CDH12: variants seen among roughly 807,000 people sequenced by gnomAD.
The protein encoded by CDH12 is cadherin-12.
In CDH12, 41 loss-of-function variants were observed where a neutral mutation model predicts 74.1. That is an observed-to-expected ratio of 0.55 (90% CI 0.43 to 0.72). The LOEUF (loss-of-function observed/expected upper bound fraction) is 0.72. Ranked by LOEUF, CDH12 falls within the 30% of genes least tolerant of loss-of-function variation. The pLI, the probability that CDH12 is intolerant of heterozygous loss-of-function variation, is 0.00. For synonymous variants in CDH12, 399 were observed against 355.0 expected (o/e 1.12, Z -1.39); for missense variants, 945 against 977.2 (o/e 0.97, Z 0.44).
chr5:22,467,553 C>T (rs553271940), intron 2 of CDH12, among the ~76,000 whole-genome samples: 1 of 152,282 alleles, frequency 6.6e-6, no homozygotes, highest in African/African-American at 2.4e-5. Context: ...CCATCTCTTG[C>T]ACTCGAATAT....
intron 4 of CDH12, among the ~76,000 whole-genome samples, chr5:22,094,770 C>T (rs906133202): frequency 9.9e-5 from 15 of 152,096 alleles, no homozygotes; most frequent in African/African-American, 9.7e-5. Context: ...TCCAGATGGC[C>T]GGTTCCTGCC....
At chr5:22,304,225 A>G (rs530028613) in intron 3 of CDH12, among the ~76,000 whole-genome samples, 2 of 152,088 alleles carry the variant, frequency 1.3e-5, no homozygotes, top group Non-Finnish European at 2.9e-5. Flanking sequence ...TTGTGTAGAA[A>G]CCAAGGCATA....
chr5:22,137,860 T>C (rs1169958327), intron 4 of CDH12, among the ~76,000 whole-genome samples: 2 of 152,118 alleles, frequency 1.3e-5, no homozygotes, highest in African/African-American at 4.8e-5. Flanking sequence ...CACCTGCAAT[T>C]TCTCTGGATA....
chr5:22,194,164 C>T (rs543106513), intron 4 of CDH12, among the ~76,000 whole-genome samples: 13 of 152,072 alleles, frequency 8.5e-5, no homozygotes, highest in African/African-American at 3.1e-4. Flanking sequence ...AAGCTGGCCC[C>T]TAGCCAATGG....
chr5:22,316,089 T>C (rs535670684), intron 3 of CDH12, among the ~76,000 whole-genome samples: 59 of 152,190 alleles, frequency 3.9e-4, no homozygotes, highest in African/African-American at 1.4e-3. Flanking sequence ...TCTTAAAGAA[T>C]TGGGTTCCTC....
At chr5:22,534,873 C>CT (rs1414035647) in intron 1 of CDH12, among the ~76,000 whole-genome samples, 6 of 150,430 alleles carry the variant, frequency 4.0e-5, no homozygotes, top group South Asian at 4.2e-4. Context: ...ATAGTAAACT[C>CT]TTTTTTGTTA....
At chr5:22,498,104 A>G (rs572403082) in intron 2 of CDH12, among the ~76,000 whole-genome samples, 7 of 152,176 alleles carry the variant, frequency 4.6e-5, no homozygotes, top group Admixed American at 1.3e-4. Flanking sequence ...TTGCTCCCAT[A>G]TCTATTCCAA....
intron 1 of CDH12, among the ~76,000 whole-genome samples, chr5:22,677,159 T>G (rs552252265): frequency 4.6e-5 from 7 of 152,148 alleles, no homozygotes; most frequent in Admixed American, 2.6e-4. Flanking sequence ...ATTGGTTTTA[T>G]TGATGCCACT....
chr5:22,423,508 G>C (rs547396100), intron 2 of CDH12, among the ~76,000 whole-genome samples: 53 of 152,270 alleles, frequency 3.5e-4, no homozygotes, highest in Admixed American at 1.4e-3. Context: ...GACACTTTTT[G>C]AATGTGGGAT....
At chr5:22,198,341 A>T (rs1365161338) in intron 4 of CDH12, among the ~76,000 whole-genome samples, 2 of 151,896 alleles carry the variant, frequency 1.3e-5, no homozygotes, top group East Asian at 1.9e-4. Context: ...AATGCTTCAG[A>T]TTTATTTTAC....
intron 3 of CDH12, among the ~76,000 whole-genome samples, chr5:22,235,882 A>T (rs1286476455): frequency 6.6e-6 from 1 of 152,182 alleles, no homozygotes; most frequent in African/African-American, 2.4e-5. Context: ...AGAAACCTAG[A>T]CGGTGTAGCA....
At chr5:22,587,000 T>A (rs1740437815) in intron 1 of CDH12, among the ~76,000 whole-genome samples, 1 of 151,874 alleles carries the variant, frequency 6.6e-6, no homozygotes, top group Non-Finnish European at 1.5e-5. Context: ...CACGCCTGGC[T>A]AATTTTTGTA....
intron 3 of CDH12, among the ~76,000 whole-genome samples, chr5:22,349,135 A>G (rs908897673): frequency 3.9e-5 from 6 of 152,222 alleles, no homozygotes; most frequent in African/African-American, 1.4e-4. Context: ...ATCACCTATA[A>G]GAAAATGAGG....
intron 1 of CDH12, among the ~76,000 whole-genome samples, chr5:22,676,341 C>A (rs1741188831): frequency 6.6e-6 from 1 of 152,160 alleles, no homozygotes; most frequent in Non-Finnish European, 1.5e-5. Context: ...TTGCTTATGG[C>A]ACAAAGTAGC....
intron 6 of CDH12, among the ~76,000 whole-genome samples, chr5:21,933,243 T>G (rs574562633): frequency 6.6e-6 from 1 of 152,242 alleles, no homozygotes; most frequent in African/African-American, 2.4e-5. Context: ...TATTATTAAT[T>G]TTATTATGTT....
At chr5:22,632,599 T>C (rs1409916909) in intron 1 of CDH12, among the ~76,000 whole-genome samples, 1 of 152,072 alleles carries the variant, frequency 6.6e-6, no homozygotes, top group Non-Finnish European at 1.5e-5. Flanking sequence ...AACATGAAGA[T>C]AGGACAGTTG....
At chr5:22,541,259 A>G (rs1402772923) in intron 1 of CDH12, among the ~76,000 whole-genome samples, 1 of 152,190 alleles carries the variant, frequency 6.6e-6, no homozygotes, top group Non-Finnish European at 1.5e-5. Flanking sequence ...CTGGCTATGC[A>G]GCTGCTGCAG....
intron 3 of CDH12, among the ~76,000 whole-genome samples, chr5:22,227,901 G>T (rs952480659): frequency 1.3e-5 from 2 of 152,066 alleles, no homozygotes; most frequent in Admixed American, 6.6e-5. Flanking sequence ...AATGCTTTCG[G>T]ATTGTCTTAG....
At chr5:22,809,679 ATT>A (rs1749032138) in intron 1 of CDH12, among the ~76,000 whole-genome samples, 1 of 152,058 alleles carries the variant, frequency 6.6e-6, no homozygotes. Context: ...AGAGGGAAAT[ATT>A]TCATTAAAAA....
Sources: gnomAD v4.1 joint callset for allele counts (sites outside exome capture counted in the v4.1 genomes callset) on GRCh38, gnomAD v4.1.1 for gene constraint, MANE v1.5 for transcripts, NCBI Gene and HGNC (gene_info 2026-07-23, HGNC 2026-07-21) for gene names.